Variants in RNF24 observed in about 807,000 individuals in gnomAD.
RNF24 encodes ring finger protein 24.
A neutral mutation model predicts 20.0 loss-of-function variants in RNF24; 14 were observed. The observed-to-expected ratio is 0.70, with a 90% CI of 0.46 to 1.10. The LOEUF (loss-of-function observed/expected upper bound fraction) is 1.10. Among genes scored for constraint, RNF24 ranks in the 50% least tolerant of loss-of-function variants. The pLI, the probability that RNF24 is intolerant of heterozygous loss-of-function variation, is 0.00. For synonymous variants in RNF24, 45 were observed against 61.1 expected (o/e 0.74, Z 1.23); for missense variants, 124 against 177.6 (o/e 0.70, Z 1.71).
intron 1 of RNF24, among the ~76,000 whole-genome samples, chr20:3,990,718 AT>A (rs1272947801): frequency 6.6e-6 from 1 of 151,984 alleles, no homozygotes; most frequent in Non-Finnish European, 1.5e-5. Flanking sequence ...ACATATATAT[AT>A]TTTTTAATTA....
At position 3,943,042 on chromosome 20, in the gene RNF24, C is replaced by T. The variant is rs140735214; in HGVS notation, c.228+2135G>A. Among the ~76,000 whole-genome samples the T allele has an allele frequency of 1.1e-3, 171 of 151,300 alleles. 3 individuals carry two copies. The East Asian group carries it at 0.033, about 29-fold the overall frequency. On this transcript the variant is annotated intron_variant, in intron 4 of 5. Transcript: ENST00000358395. ...TGTTGGCCAGGCTGGTCTTGAACTC[C>T]TGACCACAGGTGATCCTCCTGCCTT... is the stretch of plus-strand genomic sequence containing the variant.
chr20:3,989,630 T>G (rs1250622781), intron 1 of RNF24, among the ~76,000 whole-genome samples: 3 of 152,258 alleles, frequency 2.0e-5, no homozygotes, highest in African/African-American at 7.2e-5. Context: ...CATGTATGAC[T>G]GTATTTTCCT....
chr20:3,951,564 T>C (rs2091081988), intron 2 of RNF24, among the ~76,000 whole-genome samples: 1 of 152,238 alleles, frequency 6.6e-6, no homozygotes, highest in South Asian at 2.1e-4. Context: ...CTTGCACATT[T>C]ATTAACTGGA....
At chr20:3,981,172 T>TAAAAG (rs752016924) in intron 1 of RNF24, among the ~76,000 whole-genome samples, 2 of 151,988 alleles carry the variant, frequency 1.3e-5, no homozygotes, top group Non-Finnish European at 2.9e-5. Flanking sequence ...TCAAAAAAAA[T>TAAAAG]AAAAGAAAAG....
At chr20:3,952,748 A>G (rs1600646946) in intron 2 of RNF24, among the ~76,000 whole-genome samples, 1 of 152,102 alleles carries the variant, frequency 6.6e-6, no homozygotes, top group Admixed American at 6.5e-5. Context: ...GTACTAGTTT[A>G]CCAAAAAAAA....
chr20:4,008,488 A>ATATATAATATGTATAATATATAATATG (rs1982148274), intron 1 of RNF24, among the ~76,000 whole-genome samples: 1 of 77,036 alleles, frequency 1.3e-5, no homozygotes, highest in African/African-American at 5.8e-5. Flanking sequence ...ATATAATATA[A>ATATATAATATGTATAATATATAATATG]TATAATATAT....
intron 1 of RNF24, among the ~76,000 whole-genome samples, chr20:3,993,627 C>T (rs1173787716): frequency 6.6e-6 from 1 of 152,148 alleles, no homozygotes; most frequent in Non-Finnish European, 1.5e-5. Context: ...CCATGAGAAC[C>T]TGCTGCCTTC....
chr20:3,989,569 G>A (rs1980244654), intron 1 of RNF24, among the ~76,000 whole-genome samples: 1 of 152,068 alleles, frequency 6.6e-6, no homozygotes, highest in South Asian at 2.1e-4. Flanking sequence ...ATAGAAATAC[G>A]ACAGTTGTTG....
chr20:3,941,259 G>A (rs1335227342), intron 4 of RNF24, among the ~76,000 whole-genome samples: 1 of 152,136 alleles, frequency 6.6e-6, no homozygotes, highest in Non-Finnish European at 1.5e-5. Flanking sequence ...CTGGACTCCA[G>A]GCAGATGCCT....
chr20:3,941,390 T>C (rs1250487827), intron 4 of RNF24, among the ~76,000 whole-genome samples: 4 of 152,152 alleles, frequency 2.6e-5, no homozygotes, highest in Non-Finnish European at 4.4e-5. Flanking sequence ...AAGGGATCCA[T>C]ATTGTGGCAA....
intron 4 of RNF24, among the ~76,000 whole-genome samples, chr20:3,935,815 G>A (rs1054520863): frequency 1.1e-4 from 16 of 152,222 alleles, no homozygotes; most frequent in African/African-American, 3.9e-4. Flanking sequence ...TGAGGAAACA[G>A]AAGCTCAGGA....
chr20:3,949,853 T>C (rs1484673066), intron 2 of RNF24, among the ~76,000 whole-genome samples: 1 of 152,220 alleles, frequency 6.6e-6, no homozygotes, highest in Non-Finnish European at 1.5e-5. Context: ...ATTAAAGAAA[T>C]CTTTGCCTAT....
rs1009284458 is a variant in RNF24 at position 3,928,784 on chromosome 20, TGG to T, written c.*5277_*5278del. On this transcript the variant is annotated 3_prime_UTR_variant, in exon 6 of 6. Coordinates refer to ENST00000358395, the MANE Select transcript of RNF24 (RefSeq NM_001134337.3). ...AAAAAAAAAAAAAAAAAAAAATTGT[TGG>T]GGTAATTTCTGTTGTCAAATGGAAA... 1 of 139,020 alleles carries T rather than the reference TGG, an allele frequency of 7.2e-6. No homozygotes were observed. Among genetic ancestry groups the T allele is most frequent in the South Asian group, 2.3e-4 (1 of 4,302 alleles). The allele number at this position is 139,020 out of a possible 1,614,324, so 8.6% of individuals were successfully genotyped here. A position where few individuals can be genotyped will look rare whatever the true frequency, so the allele number is the denominator to read the frequency against.
chr20:3,960,810 T>A (rs927743509), intron 2 of RNF24, among the ~76,000 whole-genome samples: 1 of 152,196 alleles, frequency 6.6e-6, no homozygotes, highest in East Asian at 1.9e-4. Flanking sequence ...AGCTTATTTT[T>A]AAATTTTTTA....
chr20:4,000,441 C>T lies in RNF24; in HGVS notation c.-8+14996G>A, dbSNP rs8123818. On this transcript the variant is annotated intron_variant, in intron 1 of 5. Transcript: ENST00000358395. The stretch of plus-strand genomic sequence containing the variant: ...TTGGGAGGCTGAGGCAGGAAAATTG[C>T]TTGAACCTGGGAGGTGGAGGCTGCA... 1.1e-3 allele frequency among the ~76,000 whole-genome samples: 162 copies of T among 152,228 alleles called. 2 individuals carry two copies. Among genetic ancestry groups the T allele is most frequent in the African/African-American group, 3.8e-3 (159 of 41,526 alleles).
intron 1 of RNF24, among the ~76,000 whole-genome samples, chr20:4,001,017 A>G (rs912027498): frequency 1.3e-5 from 2 of 152,212 alleles, no homozygotes; most frequent in African/African-American, 4.8e-5. Context: ...CTGTAATCCT[A>G]GCACTTTGGG....
rs1264711569 is a variant in RNF24 at position 3,928,289 on chromosome 20, C to T, written c.*5774G>A. On this transcript the variant is annotated 3_prime_UTR_variant, in exon 6 of 6. Transcript: ENST00000358395. ...TAGGGCACCAGTTGCAATTTTAATCCAGGGGAGGATCTGGGCTGCTGCTGT... is the reference window on the plus strand; with the variant it reads ...TAGGGCACCAGTTGCAATTTTAATCTAGGGGAGGATCTGGGCTGCTGCTGT... The T allele has an allele frequency of 1.3e-5, 2 of 152,060 alleles. No homozygotes were observed. Among genetic ancestry groups the T allele is most frequent in the African/African-American group, 4.8e-5 (2 of 41,372 alleles). The allele number at this position is 152,060 out of a possible 1,614,324, so 9.4% of individuals were successfully genotyped here.
chr20:3,979,229 T>A (rs1206710832), intron 1 of RNF24, among the ~76,000 whole-genome samples: 1 of 152,084 alleles, frequency 6.6e-6, no homozygotes. Flanking sequence ...AACATCTACA[T>A]TTAGATAAAC....
chr20:3,935,219 G>A (rs1366791572), intron 4 of RNF24, 146 bp from the exon 5 acceptor site: 1 of 596,218 alleles, frequency 1.7e-6, no homozygotes, highest in African/African-American at 1.9e-5. Context: ...ATGAATAAAT[G>A]ACTGAAAAGA....
Sources: gnomAD v4.1 joint callset for allele counts (sites outside exome capture counted in the v4.1 genomes callset) on GRCh38, gnomAD v4.1.1 for gene constraint, MANE v1.5 for transcripts, NCBI Gene and HGNC (gene_info 2026-07-23, HGNC 2026-07-21) for gene names.